The following FAR2 variants were observed in gnomAD, a reference collection of about 807,000 sequenced individuals.
FAR2 encodes epididymis secretory protein Li 81.
FAR2 carries 19 observed loss-of-function variants against 56.0 expected under a neutral mutation model. That is an observed-to-expected ratio of 0.34 (90% confidence interval 0.24 to 0.50). FAR2 has a LOEUF of 0.50. Among genes scored for constraint, FAR2 ranks in the 20% least tolerant of loss-of-function variants. FAR2 has a pLI of 0.98. For synonymous variants in FAR2, 219 were observed against 218.8 expected (o/e 1.00, Z -0.01); for missense variants, 508 against 642.2 (o/e 0.79, Z 2.26).
At chr12:29,272,829 TTTGTTG>T (rs1382147634) in intron 2 of FAR2, among the ~76,000 whole-genome samples, 1 of 152,114 alleles carries the variant, frequency 6.6e-6, no homozygotes, top group African/African-American at 2.4e-5. Context: ...TGTGGGCCTT[TTTGTTG>T]TTGTTGTTCT....
At chr12:29,266,513 G>A (rs955421198) in intron 1 of FAR2, among the ~76,000 whole-genome samples, 1 of 152,050 alleles carries the variant, frequency 6.6e-6, no homozygotes, top group African/African-American at 2.4e-5. Context: ...GAGAGGGATA[G>A]TGTTGAAGGG....
chr12:29,248,930 G>T (rs1948168719), intron 1 of FAR2, among the ~76,000 whole-genome samples: 1 of 152,202 alleles, frequency 6.6e-6, no homozygotes, highest in Non-Finnish European at 1.5e-5. Flanking sequence ...GAGTTTAAGG[G>T]TATCTCTGCT....
At chr12:29,222,397 A>G (rs1322520395) in intron 1 of FAR2, among the ~76,000 whole-genome samples, 2 of 152,326 alleles carry the variant, frequency 1.3e-5, no homozygotes, top group Non-Finnish European at 2.9e-5. Flanking sequence ...GGTCAAGACT[A>G]TTGCACTAGG....
At chr12:29,326,564 G>T (rs1327904796) in intron 10 of FAR2, among the ~76,000 whole-genome samples, 1 of 152,108 alleles carries the variant, frequency 6.6e-6, no homozygotes, top group Non-Finnish European at 1.5e-5. Context: ...ATGATCAAGT[G>T]GGCTTCATCC....
At chr12:29,267,699 C>G (rs1948542087) in intron 1 of FAR2, among the ~76,000 whole-genome samples, 1 of 152,090 alleles carries the variant, frequency 6.6e-6, no homozygotes, top group African/African-American at 2.4e-5. Context: ...AAACAAGATC[C>G]AAAAGTGTTC....
At position 29,164,898 on chromosome 12, in the gene FAR2, TA is replaced by T. The variant is rs1401105507; in HGVS notation, c.-39+15495del. On this transcript the variant is annotated intron_variant, in intron 1 of 11. Transcript: ENST00000536681. ...AGTAGCAAGCTGGACACCCTAGCAG[TA>T]AAAGCAGTATGAGTGGAGTTCCTTA... is the stretch of plus-strand genomic sequence containing the variant. Among the ~76,000 whole-genome samples, 8 of 152,328 alleles carry T rather than the reference TA, an allele frequency of 5.3e-5. No homozygotes were observed. In the East Asian group the frequency reaches 1.5e-3, roughly 29 times the overall value.
At chr12:29,333,057 G>T in intron 11 of FAR2, 1 of 368,470 alleles carries the variant, frequency 2.7e-6, no homozygotes, top group South Asian at 2.2e-5. Context: ...GTCATAATGG[G>T]ATATAAATAC....
chr12:29,180,219 T>C (rs1949979155), intron 1 of FAR2, among the ~76,000 whole-genome samples: 1 of 152,170 alleles, frequency 6.6e-6, no homozygotes, highest in South Asian at 2.1e-4. Flanking sequence ...AGAATGCTTA[T>C]ATGAAGCAAA....
At position 29,257,142 on chromosome 12, in the gene FAR2, G is replaced by A. The variant is rs541478665; in HGVS notation, c.-38-13270G>A. On this transcript the variant is annotated intron_variant, in intron 1 of 11. Transcript: ENST00000536681. ...GGGACGTGGAGAACCTTTGTGTCTA[G>A]CTCAGGGATTGTAAATACACCAATA... Among the ~76,000 whole-genome samples, 162 of 152,326 alleles carry A rather than the reference G, an allele frequency of 1.1e-3. 1 individual carries two copies. The South Asian group carries it at 0.013, about 12-fold the overall frequency.
chr12:29,193,465 T>C (rs1049936497), intron 1 of FAR2, among the ~76,000 whole-genome samples: 1 of 152,222 alleles, frequency 6.6e-6, no homozygotes, highest in African/African-American at 2.4e-5. Flanking sequence ...AGTTCTGCCT[T>C]TTACAGAGTG....
chr12:29,257,668 C>T (rs1043732201), intron 1 of FAR2, among the ~76,000 whole-genome samples: 4 of 151,944 alleles, frequency 2.6e-5, no homozygotes, highest in Non-Finnish European at 4.4e-5. Flanking sequence ...ACTCCAGACG[C>T]GCCGCCTTAA....
At chr12:29,197,079 T>C (rs936164201) in intron 1 of FAR2, among the ~76,000 whole-genome samples, 3 of 152,176 alleles carry the variant, frequency 2.0e-5, no homozygotes, top group Non-Finnish European at 4.4e-5. Flanking sequence ...GGAGAGAAAA[T>C]AGGCATGAAG....
At chr12:29,265,052 C>T (rs1232859221) in intron 1 of FAR2, among the ~76,000 whole-genome samples, 1 of 152,158 alleles carries the variant, frequency 6.6e-6, no homozygotes, top group Non-Finnish European at 1.5e-5. Flanking sequence ...GAAAGATATT[C>T]CATGTTCATG....
chr12:29,313,445 A>G (rs1467929467), intron 8 of FAR2, among the ~76,000 whole-genome samples: 1 of 152,096 alleles, frequency 6.6e-6, no homozygotes, highest in African/African-American at 2.4e-5. Context: ...TGTTTAATTC[A>G]GTTTGCTAAT....
intron 1 of FAR2, among the ~76,000 whole-genome samples, chr12:29,236,922 C>T (rs1947952327): frequency 6.6e-6 from 1 of 152,158 alleles, no homozygotes; most frequent in Non-Finnish European, 1.5e-5. Flanking sequence ...CTAGTTAAAG[C>T]AAGGTGGCTT....
At chr12:29,177,787 C>T (rs923727896) in intron 1 of FAR2, among the ~76,000 whole-genome samples, 1 of 151,832 alleles carries the variant, frequency 6.6e-6, no homozygotes, top group Non-Finnish European at 1.5e-5. Context: ...CCTGAGATTA[C>T]ATGTAATTAT....
intron 1 of FAR2, among the ~76,000 whole-genome samples, chr12:29,195,893 C>A (rs900131637): frequency 6.6e-6 from 1 of 152,028 alleles, no homozygotes; most frequent in Admixed American, 6.6e-5. Context: ...TCTATCATTC[C>A]ACTCTGTATG....
At chr12:29,153,909 C>T (rs1343377853) in intron 1 of FAR2, among the ~76,000 whole-genome samples, 2 of 151,900 alleles carry the variant, frequency 1.3e-5, no homozygotes, top group Non-Finnish European at 2.9e-5. Context: ...TTAGAGATGC[C>T]GTAAGAAGAA....
intron 1 of FAR2, among the ~76,000 whole-genome samples, chr12:29,249,750 T>C (rs1394948749): frequency 6.6e-6 from 1 of 152,182 alleles, no homozygotes; most frequent in African/African-American, 2.4e-5. Flanking sequence ...TTTATTATTA[T>C]TAGTTTTAAG....
Sources: allele counts gnomAD v4.1 joint callset (sites outside exome capture counted in the v4.1 genomes callset), GRCh38; gene constraint gnomAD v4.1.1; transcripts MANE v1.5; gene names NCBI Gene and HGNC (gene_info 2026-07-23, HGNC 2026-07-21).